Variants in KIAA1217 observed in about 807,000 individuals in gnomAD.
KIAA1217 encodes KIAA1217, also known as sickle tail protein homolog.
KIAA1217 carries 88 observed loss-of-function variants against 163.9 expected under a neutral mutation model. That is an observed-to-expected ratio of 0.54 (90% CI 0.45 to 0.64). KIAA1217 has a LOEUF of 0.64. Among genes scored for constraint, KIAA1217 ranks in the 30% least tolerant of loss-of-function variants. The pLI, the probability that KIAA1217 is intolerant of heterozygous loss-of-function variation, is 0.00. For missense variants in KIAA1217, 2,372 were observed against 2,475.0 expected, an observed-to-expected ratio of 0.96 and a Z score of 0.88; for synonymous variants, 903 against 923.1, an observed-to-expected ratio of 0.98 and a Z score of 0.39.
At chr10:24,353,453 C>G (rs554148703) in intron 2 of KIAA1217, among the ~76,000 whole-genome samples, 2 of 152,266 alleles carry the variant, frequency 1.3e-5, no homozygotes, top group South Asian at 4.2e-4. Context: ...TTGCCCTTCT[C>G]CTGGAAGAGC....
chr10:23,959,344 A>G (rs573290636), intron 1 of KIAA1217, among the ~76,000 whole-genome samples: 1 of 152,142 alleles, frequency 6.6e-6, no homozygotes, highest in East Asian at 1.9e-4. Flanking sequence ...AGCCTGGGCA[A>G]CATAGCAAGG....
intron 2 of KIAA1217, among the ~76,000 whole-genome samples, chr10:24,363,338 A>T (rs1284262301): frequency 6.6e-6 from 1 of 152,118 alleles, no homozygotes; most frequent in Non-Finnish European, 1.5e-5. Context: ...TTCCTGCCAC[A>T]TTTAGCCTTT....
chr10:24,333,277 A>G (rs1416239250), intron 2 of KIAA1217, among the ~76,000 whole-genome samples: 1 of 152,126 alleles, frequency 6.6e-6, no homozygotes, highest in Admixed American at 6.5e-5. Context: ...TGCCCACCTC[A>G]GCCTCCCAAA....
At chr10:24,235,137 A>G (rs1464801968) in intron 2 of KIAA1217, among the ~76,000 whole-genome samples, 2 of 152,152 alleles carry the variant, frequency 1.3e-5, no homozygotes, top group African/African-American at 4.8e-5. Flanking sequence ...AATGAGGTCT[A>G]CTCACATTAT....
chr10:24,457,662 A>C (rs1564714613), intron 5 of KIAA1217, among the ~76,000 whole-genome samples: 1 of 152,096 alleles, frequency 6.6e-6, no homozygotes, highest in Non-Finnish European at 1.5e-5. Flanking sequence ...TGGCCTCCCA[A>C]AGTGCTAGGT....
intron 1 of KIAA1217, among the ~76,000 whole-genome samples, chr10:23,929,595 A>C (rs1419984996): frequency 6.6e-6 from 1 of 152,164 alleles, no homozygotes; most frequent in Non-Finnish European, 1.5e-5. Context: ...TAATTTGCTT[A>C]AGATAATGGC....
At chr10:24,333,117 G>C (rs1367896487) in intron 2 of KIAA1217, among the ~76,000 whole-genome samples, 1 of 151,990 alleles carries the variant, frequency 6.6e-6, no homozygotes, top group African/African-American at 2.4e-5. Flanking sequence ...TGCCTCCCAG[G>C]TTCAAGCAAT....
Position 23,855,522 on chromosome 10 carries a change from T to C in KIAA1217, c.-320-151703T>C, listed in dbSNP as rs547632595. Among the ~76,000 whole-genome samples, 298 of 152,286 alleles carry C rather than the reference T, an allele frequency of 2.0e-3. 1 individual carries two copies. The highest frequency in any genetic ancestry group is 6.7e-3 in the African/African-American group (280 of 41,558). ...GGTTGCTCTTCTCGAGGAGTATCTT[T>C]GCGGCATTCTCTGTATTTCCTGAAT... On this transcript the variant is annotated intron_variant, in intron 1 of 18. Coordinates refer to the KIAA1217 transcript ENST00000376462.
chr10:23,791,935 A>G (rs1029241100), intron 1 of KIAA1217, among the ~76,000 whole-genome samples: 3 of 152,166 alleles, frequency 2.0e-5, no homozygotes, highest in Admixed American at 6.5e-5. Context: ...TATACTTCCA[A>G]TTTTATATTT....
chr10:24,284,437 G>A (rs776746052), intron 2 of KIAA1217, among the ~76,000 whole-genome samples: 3 of 151,994 alleles, frequency 2.0e-5, no homozygotes, highest in Non-Finnish European at 4.4e-5. Flanking sequence ...ATTTATGTCC[G>A]TGTGTTTATT....
intron 1 of KIAA1217, among the ~76,000 whole-genome samples, chr10:23,988,366 A>G (rs1846073359): frequency 6.6e-6 from 1 of 152,236 alleles, no homozygotes; most frequent in Non-Finnish European, 1.5e-5. Context: ...ATTATAACCA[A>G]TAGTTTCCTG....
At chr10:23,737,748 C>T (rs1838894375) in intron 1 of KIAA1217, among the ~76,000 whole-genome samples, 2 of 151,926 alleles carry the variant, frequency 1.3e-5, no homozygotes, top group Admixed American at 1.3e-4. Flanking sequence ...CATTATTTTT[C>T]TCATAGTGAT....
intron 1 of KIAA1217, among the ~76,000 whole-genome samples, chr10:23,857,197 A>T (rs552750091): frequency 1.5e-4 from 23 of 152,294 alleles, no homozygotes; most frequent in African/African-American, 5.5e-4. Flanking sequence ...TTGGGTAGGG[A>T]TGTGAATCCA....
At chr10:23,847,468 TC>T (rs1266116742) in intron 1 of KIAA1217, among the ~76,000 whole-genome samples, 1 of 152,196 alleles carries the variant, frequency 6.6e-6, no homozygotes, top group Non-Finnish European at 1.5e-5. Context: ...GGTGTATGTG[TC>T]CAGGAATTTA....
intron 2 of KIAA1217, among the ~76,000 whole-genome samples, chr10:24,261,303 G>A (rs374523355): frequency 4.6e-5 from 7 of 152,074 alleles, no homozygotes; most frequent in African/African-American, 1.7e-4. Context: ...TTTGAGACCA[G>A]CCTGGCCAAC....
intron 2 of KIAA1217, among the ~76,000 whole-genome samples, chr10:24,309,639 G>C (rs1454318364): frequency 6.6e-6 from 1 of 152,182 alleles, no homozygotes; most frequent in Non-Finnish European, 1.5e-5. Context: ...CAGCTGACCT[G>C]AGTGTGAATC....
At chr10:23,821,966 T>A (rs1373493750) in intron 1 of KIAA1217, among the ~76,000 whole-genome samples, 2 of 152,148 alleles carry the variant, frequency 1.3e-5, no homozygotes, top group African/African-American at 2.4e-5. Flanking sequence ...ATCTTCCGTG[T>A]CTCCTGAAGC....
chr10:24,490,787 T>A (rs2066007730), intron 6 of KIAA1217, among the ~76,000 whole-genome samples: 1 of 152,194 alleles, frequency 6.6e-6, no homozygotes, highest in African/African-American at 2.4e-5. Flanking sequence ...CCAGGGGGGA[T>A]GTCAGATGAG....
At chr10:24,154,200 G>A (rs571575031) in intron 2 of KIAA1217, among the ~76,000 whole-genome samples, 3 of 151,550 alleles carry the variant, frequency 2.0e-5, no homozygotes, top group East Asian at 2.0e-4. Context: ...CTCGTGATCC[G>A]CCCGCCTCGG....
Sources: gnomAD v4.1 joint callset for allele counts (sites outside exome capture counted in the v4.1 genomes callset) on GRCh38, gnomAD v4.1.1 for gene constraint, MANE v1.5 for transcripts, NCBI Gene and HGNC (gene_info 2026-07-23, HGNC 2026-07-21) for gene names.